Variants in A1CF observed in about 807,000 individuals in gnomAD.
The protein encoded by A1CF is APOBEC1 complementation factor.
In A1CF, 48 loss-of-function variants were observed where a neutral mutation model predicts 68.9. The observed-to-expected ratio is 0.70, with a 90% CI of 0.55 to 0.89. The LOEUF is 0.89. Among genes scored for constraint, A1CF ranks in the 40% least tolerant of loss-of-function variants. A1CF has a pLI of 0.00. For missense variants in A1CF, 653 were observed against 718.9 expected, an observed-to-expected ratio of 0.91 and a Z score of 1.05; for synonymous variants, 272 against 260.4, an observed-to-expected ratio of 1.04 and a Z score of -0.43.
chr10:50,811,272 G>C lies in A1CF; in HGVS notation c.1324-96C>G, dbSNP rs970405519. Reference sequence around the variant, plus strand: ...TTAAACTCTAATTTTCAGAGTTCAAGCTAGTATCTGAAGACATAAAATGCC... The same window carrying C: ...TTAAACTCTAATTTTCAGAGTTCAACCTAGTATCTGAAGACATAAAATGCC... On this transcript the variant is annotated intron_variant, in intron 10 of 12. Coordinates refer to ENST00000373997, the MANE Select transcript of A1CF (RefSeq NM_014576.4). The C allele has an allele frequency of 4.0e-6, 5 of 1,254,724 alleles. No homozygotes were observed. In the African/African-American group the frequency reaches 7.6e-5, roughly 19 times the overall value. The allele number at this position is 1,254,724 out of a possible 1,614,324, so 77.7% of individuals were successfully genotyped here. A position where few individuals can be genotyped will look rare whatever the true frequency, so the allele number is the denominator to read the frequency against.
intron 2 of A1CF, among the ~76,000 whole-genome samples, chr10:50,862,666 G>T (rs549410470): frequency 6.6e-6 from 1 of 152,300 alleles, no homozygotes; most frequent in South Asian, 2.1e-4. Context: ...AAGTTAACAT[G>T]CCAGCTTCAG....
chr10:50,816,141 C>T lies in A1CF; in HGVS notation c.1006G>A (p.Asp336Asn), dbSNP rs574044306. The change falls in exon 9 of 13, where the codon GAT becomes AAT. Residue 336 changes from aspartate to asparagine, a missense_variant. Coordinates refer to ENST00000373997, the MANE Select transcript of A1CF (RefSeq NM_014576.4). ...GCTCCAAGGTAGGTTGTGGTGGGAT[C>T]ATAAACTTGGCCCAAAGAGTAGGTA... ...EYTYSLGQVY[D>N]PTTTYLGAPV... The T allele has an allele frequency of 5.0e-6, 8 of 1,613,686 alleles. No homozygotes were observed. The highest frequency in any genetic ancestry group is 5.9e-6 in the Non-Finnish European group (7 of 1,179,870).
At chr10:50,845,000 T>C (rs1391630724) in intron 3 of A1CF, among the ~76,000 whole-genome samples, 1 of 152,192 alleles carries the variant, frequency 6.6e-6, no homozygotes, top group East Asian at 1.9e-4. Context: ...CAGTATTTAA[T>C]TCATATCTGT....
chr10:50,880,489 A>G (rs891705030), intron 1 of A1CF, among the ~76,000 whole-genome samples: 1 of 152,214 alleles, frequency 6.6e-6, no homozygotes, highest in Non-Finnish European at 1.5e-5. Context: ...GGTAGTAAGT[A>G]CATGAATGGC....
chr10:50,845,182 G>A (rs1839943076), intron 3 of A1CF, among the ~76,000 whole-genome samples: 1 of 151,878 alleles, frequency 6.6e-6, no homozygotes, highest in Non-Finnish European at 1.5e-5. Context: ...TTTTTGCCTA[G>A]AGAGTTCCTG....
chr10:50,835,700 T>C lies in A1CF; in HGVS notation c.604+374A>G, dbSNP rs142131256. ...TTGGAATAAGGTATCACTTGAGGTT[T>C]TTATTTCTACACTGTAATGGAGAAT... On this transcript the variant is annotated intron_variant, in intron 6 of 12. Coordinates refer to ENST00000373997, the MANE Select transcript of A1CF (RefSeq NM_014576.4). Among the ~76,000 whole-genome samples the C allele has an allele frequency of 2.6e-5, 4 of 152,352 alleles. No homozygotes were observed. The East Asian group carries it at 5.8e-4, about 22-fold the overall frequency.
chr10:50,839,985 G>C (rs954068749), intron 5 of A1CF, among the ~76,000 whole-genome samples: 1 of 152,126 alleles, frequency 6.6e-6, no homozygotes, highest in Non-Finnish European at 1.5e-5. Flanking sequence ...CAGGTGATCC[G>C]CCCGCCTTGG....
rs1564521867 is a variant in A1CF, at chr10:50,851,900, G to T, written c.100-7778C>A. On this transcript the variant is annotated intron_variant, in intron 3 of 12. Coordinates refer to ENST00000373997, the MANE Select transcript of A1CF (RefSeq NM_014576.4). ...CAAATTCATGATTGCAAGGAACTGTGATCTCAATAATTTCTTCTTTGCCTA... is the reference window on the plus strand; with the variant it reads ...CAAATTCATGATTGCAAGGAACTGTTATCTCAATAATTTCTTCTTTGCCTA... Among the ~76,000 whole-genome samples, 2 of 152,196 alleles carry T rather than the reference G, an allele frequency of 1.3e-5. 1 individual carries two copies. The highest frequency in any genetic ancestry group is 3.9e-4 in the East Asian group (2 of 5,194).
intron 6 of A1CF, 103 bp downstream of exon 6, chr10:50,835,971 G>T: frequency 9.4e-7 from 1 of 1,065,562 alleles, no homozygotes; most frequent in Non-Finnish European, 1.4e-6. Flanking sequence ...TTAAAATACA[G>T]CGTAATGAAA....
intron 2 of A1CF, among the ~76,000 whole-genome samples, chr10:50,860,775 G>A (rs1292165901): frequency 6.6e-6 from 1 of 152,116 alleles, no homozygotes; most frequent in African/African-American, 2.4e-5. Flanking sequence ...TTCCAAATAT[G>A]ATGGTTGCTC....
intron 7 of A1CF, among the ~76,000 whole-genome samples, chr10:50,825,045 G>A (rs540347958): frequency 1.2e-3 from 185 of 152,266 alleles, no homozygotes; most frequent in African/African-American, 4.1e-3. Flanking sequence ...GAGTCCCTGA[G>A]GCTGGAGAAA....
In A1CF at chr10:50,800,471, C is replaced by T. The variant is rs1837554910; in HGVS notation, c.*6258G>A. The T allele has an allele frequency of 6.6e-6, 1 of 152,110 alleles. No individual in the cohort carries two copies. The highest frequency in any genetic ancestry group is 1.5e-5 in the Non-Finnish European group (1 of 68,010). The allele number at this position is 152,110 out of a possible 1,614,324, so 9.4% of individuals were successfully genotyped here. A position where few individuals can be genotyped will look rare whatever the true frequency, so the allele number is the denominator to read the frequency against. On this transcript the variant is annotated 3_prime_UTR_variant, in exon 13 of 13. Transcript: ENST00000373997. ...ATTTTCAGAATTCTAAGTGGCAAAA[C>T]CTATCAGGTGTTGCAATTATATTCA...
intron 12 of A1CF, among the ~76,000 whole-genome samples, chr10:50,807,404 C>T (rs1368525811): frequency 6.6e-6 from 1 of 152,154 alleles, no homozygotes; most frequent in Non-Finnish European, 1.5e-5. Context: ...AGGAGAAATA[C>T]TGTAAAGGTT....
At chr10:50,810,266 G>A (rs764182415) in intron 11 of A1CF, among the ~76,000 whole-genome samples, 13 of 152,162 alleles carry the variant, frequency 8.5e-5, no homozygotes, top group Non-Finnish European at 1.8e-4. Context: ...GGACATACAA[G>A]TAATTCACTA....
At chr10:50,840,747 A>G (rs971891911) in intron 5 of A1CF, among the ~76,000 whole-genome samples, 1 of 152,204 alleles carries the variant, frequency 6.6e-6, no homozygotes, top group African/African-American at 2.4e-5. Flanking sequence ...CAATGCAGAC[A>G]GTCACCTTCT....
chr10:50,835,676 T>G (rs986973561), intron 6 of A1CF, among the ~76,000 whole-genome samples: 1 of 152,210 alleles, frequency 6.6e-6, no homozygotes, highest in Non-Finnish European at 1.5e-5. Flanking sequence ...TAGTTGTCAT[T>G]GGAATAAGGT....
chr10:50,820,151 A>G (rs916206788), intron 8 of A1CF, among the ~76,000 whole-genome samples: 2 of 152,210 alleles, frequency 1.3e-5, no homozygotes, highest in African/African-American at 4.8e-5. Flanking sequence ...AGATCAAACT[A>G]TGAAGGCAGA....
chr10:50,857,815 G>A lies in A1CF; in HGVS notation c.99+2027C>T, dbSNP rs144188521. On this transcript the variant is annotated intron_variant, in intron 3 of 12. Transcript: ENST00000373997. ...GTTGGGTCAGGGAATGTGTGTTTCCGGGGATCAGAGTTTGGCCACGTGTAG... is the reference window on the plus strand; with the variant it reads ...GTTGGGTCAGGGAATGTGTGTTTCCAGGGATCAGAGTTTGGCCACGTGTAG... Among the ~76,000 whole-genome samples, 839 of 152,228 alleles carry A rather than the reference G, an allele frequency of 5.5e-3. 6 individuals carry two copies. The highest frequency in any genetic ancestry group is 0.019 in the African/African-American group (782 of 41,546).
intron 8 of A1CF, among the ~76,000 whole-genome samples, chr10:50,818,501 A>T (rs1838479577): frequency 3.9e-5 from 6 of 152,064 alleles, no homozygotes; most frequent in Admixed American, 2.0e-4. Context: ...AATATGTTTC[A>T]ATTGTAATTA....
Sources: gnomAD v4.1 joint callset for allele counts (sites outside exome capture counted in the v4.1 genomes callset) on GRCh38, gnomAD v4.1.1 for gene constraint, MANE v1.5 for transcripts, NCBI Gene and HGNC (gene_info 2026-07-23, HGNC 2026-07-21) for gene names.